Variants in ZNF316 observed in about 807,000 individuals in gnomAD.
ZNF316 encodes the protein zinc finger protein 316.
In ZNF316, 23 loss-of-function variants were observed where a neutral mutation model predicts 75.6. That is an observed-to-expected ratio of 0.30 (90% confidence interval 0.22 to 0.43). ZNF316 has a LOEUF of 0.43. Among genes scored for constraint, ZNF316 ranks in the 20% least tolerant of loss-of-function variants. ZNF316 has a pLI of 1.00. For missense variants in ZNF316, 1,266 were observed against 1,409.4 expected (o/e 0.90, Z 1.63); for synonymous variants, 827 against 666.2 (o/e 1.24, Z -3.72).
At chr7:6,645,880 G>T (rs569712561) in intron 8 of ZNF316, among the ~76,000 whole-genome samples, 1 of 150,966 alleles carries the variant, frequency 6.6e-6, no homozygotes, top group East Asian at 1.9e-4. Context: ...TGTAGTCCCA[G>T]CTACTTGGGA....
Position 6,656,980 on chromosome 7 carries a change from A to C in ZNF316, c.*2369A>C, listed in dbSNP as rs549531496. ...GGGTCTGAAAAATAAGAACTGCTGT[A>C]ATCAAATGTGATCTGGAGGCATCAG... On this transcript the variant is annotated 3_prime_UTR_variant, in exon 9 of 9. Transcript: ENST00000382252. Among the ~76,000 whole-genome samples, 4 of 152,280 alleles carry C rather than the reference A, an allele frequency of 2.6e-5. No individual in the cohort carries two copies. The highest frequency in any genetic ancestry group is 9.6e-5 in the African/African-American group (4 of 41,542).
At chr7:6,643,987 T>C (rs1368865115) in intron 7 of ZNF316, 39 bp downstream of exon 7, 1 of 1,231,482 alleles carries the variant, frequency 8.1e-7, no homozygotes, top group African/African-American at 1.6e-5. Flanking sequence ...GGCAGCCTGG[T>C]GTGATGGCTG....
Position 6,644,583 on chromosome 7 carries a change from C to A in ZNF316, c.696C>A (p.Gly232=), listed in dbSNP as rs1157659421. 2 of 1,231,270 alleles carry A rather than the reference C, an allele frequency of 1.6e-6. No homozygotes were observed. The highest frequency in any genetic ancestry group is 2.0e-6 in the Non-Finnish European group (2 of 987,274). The allele number at this position is 1,231,270 out of a possible 1,614,324, so 76.3% of individuals were successfully genotyped here. The change falls in exon 8 of 9, where the codon GGC becomes GGA. Residue 232 remains glycine (G), a synonymous_variant. Transcript: ENST00000382252. Reference sequence around the variant, plus strand: ...CTGAGGAAGGAGACATCGTCACTGGCGTCTACACAGGTGAGCGTGGATGGA... The same window carrying A: ...CTGAGGAAGGAGACATCGTCACTGGAGTCTACACAGGTGAGCGTGGATGGA... ...PRPEEGDIVT[G]VYTGAWFWTD... is the part of the protein sequence containing the mutation.
At chr7:6,646,738 C>T (rs1156642298) in intron 8 of ZNF316, among the ~76,000 whole-genome samples, 2 of 152,158 alleles carry the variant, frequency 1.3e-5, no homozygotes, top group Non-Finnish European at 2.9e-5. Flanking sequence ...CCCCTGCATT[C>T]ATTTCTGGTC....
At chr7:6,649,301 C>T (rs1779463814) in intron 8 of ZNF316, among the ~76,000 whole-genome samples, 1 of 152,166 alleles carries the variant, frequency 6.6e-6, no homozygotes, top group Non-Finnish European at 1.5e-5. Flanking sequence ...GGTCTCCTCT[C>T]CTCTGCTGTC....
Position 6,652,481 on chromosome 7 carries a change from G to A in ZNF316, c.885G>A (p.Glu295=). ...ACTCGGATTCGGCGCAGACTCCAGA[G>A]GGGTGGGGACCCGACCCAGGCGGCC... The part of the protein sequence containing the change: ...PDDSDSAQTP[E]GWGPDPGGLG... Residue 295 remains glutamate (E), a synonymous_variant, in exon 9 of 9, where the codon GAG becomes GAA. Transcript: ENST00000382252. The A allele has an allele frequency of 3.2e-6, 4 of 1,231,660 alleles. No individual in the cohort carries two copies. Among genetic ancestry groups the A allele is most frequent in the Non-Finnish European group, 4.0e-6 (4 of 987,758 alleles). 76.3% of individuals were successfully genotyped at this position (1,231,660 alleles called of 1,614,324 possible).
rs908139692 is a variant in ZNF316 at position 6,652,468 on chromosome 7, C to T, written c.872C>T (p.Ala291Val). 3.4e-5 allele frequency: 42 copies of T among 1,231,600 alleles called. No homozygotes were observed. The highest frequency in any genetic ancestry group is 4.2e-5 in the Admixed American group (1 of 23,684). 76.3% of individuals were successfully genotyped at this position (1,231,600 alleles called of 1,614,324 possible). ...TGGGGGCCCGACGACTCGGATTCGGCGCAGACTCCAGAGGGGTGGGGACCC... is the reference window on the plus strand; with the variant it reads ...TGGGGGCCCGACGACTCGGATTCGGTGCAGACTCCAGAGGGGTGGGGACCC... ...GTWGPDDSDSAQTPEGWGPDP... is the reference protein window; with the variant it reads ...GTWGPDDSDSVQTPEGWGPDP... Residue 291 changes from alanine to valine, a missense_variant, in exon 9 of 9, where the codon GCG becomes GTG. By Grantham distance (64) the Ala-to-Val change is moderately conservative. Coordinates refer to ENST00000382252, the MANE Select transcript of ZNF316 (RefSeq NM_001278559.2).
chr7:6,649,518 G>A (rs539400559), intron 8 of ZNF316, among the ~76,000 whole-genome samples: 180 of 152,334 alleles, frequency 1.2e-3, no homozygotes, highest in African/African-American at 4.2e-3. Context: ...GCCAGCAAAC[G>A]CCCTCGGGGC....
At position 6,642,232 on chromosome 7, in the gene ZNF316, C is replaced by T. The variant is rs991230960; in HGVS notation, c.-28-150C>T. On this transcript the variant is annotated intron_variant, in intron 4 of 8. Coordinates refer to ENST00000382252, the MANE Select transcript of ZNF316 (RefSeq NM_001278559.2). This position sits in a 1 kb window ranked among gnomAD's most constrained non-coding sequence, Gnocchi z 8.1. ...GTGCAGGGTAAGATCGTGGGAAGGC[C>T]CGGTCCTCCCTCATCTCCATTGCCT... is the stretch of plus-strand genomic sequence containing the variant. The T allele has an allele frequency of 2.5e-6, 1 of 404,646 alleles. No individual in the cohort carries two copies. The highest frequency in any genetic ancestry group is 4.3e-6 in the Non-Finnish European group (1 of 232,636). The allele number at this position is 404,646 out of a possible 1,614,324, so 25.1% of individuals were successfully genotyped here.
intron 8 of ZNF316, among the ~76,000 whole-genome samples, chr7:6,651,922 C>T (rs892858881): frequency 1.3e-5 from 2 of 152,202 alleles, no homozygotes; most frequent in Non-Finnish European, 2.9e-5. Flanking sequence ...AGCACAGGAT[C>T]CCTGCTTGGG....
Position 6,637,336 on chromosome 7 carries a change from C to G in ZNF316, c.-542C>G, listed in dbSNP as rs936744949. ...CGGCGGTACTTCCGGTGCCCACGCG[C>G]CGCCGTCGCGCAGCTCCCGGGCCGT... On this transcript the variant is annotated 5_prime_UTR_variant, in exon 1 of 9. Transcript: ENST00000382252. The surrounding 1 kb of genome is among the most constrained non-coding windows in gnomAD (Gnocchi z 6.2). 6.7e-6 allele frequency: 1 copy of G among 150,012 alleles called. No homozygotes were observed. The highest frequency in any genetic ancestry group is 2.4e-5 in the African/African-American group (1 of 41,114). The allele number at this position is 150,012 out of a possible 1,614,324, so 9.3% of individuals were successfully genotyped here.
Position 6,652,421 on chromosome 7 carries a change from C to T in ZNF316, c.825C>T (p.Gly275=), listed in dbSNP as rs1031602652. The T allele has an allele frequency of 5.7e-6, 7 of 1,232,036 alleles. No homozygotes were observed. The highest frequency in any genetic ancestry group is 4.1e-5 in the South Asian group (1 of 24,332). 76.3% of individuals were successfully genotyped at this position (1,232,036 alleles called of 1,614,324 possible). A position where few individuals can be genotyped will look rare whatever the true frequency, so the allele number is the denominator to read the frequency against. The change falls in exon 9 of 9, where the codon GGC becomes GGT. Residue 275 remains glycine (G), a synonymous_variant. Transcript: ENST00000382252. The stretch of plus-strand genomic sequence containing the variant: ...CAGGGCTCTGGTCGGCGGCCTACGG[C>T]GTGGGGGACGTGCCTGGGACGTGGG... ...EPPGLWSAAY[G]VGDVPGTWGP...
In ZNF316 at chr7:6,657,196, A is replaced by G. The variant is rs558342845; in HGVS notation, c.*2585A>G. On this transcript the variant is annotated 3_prime_UTR_variant, in exon 9 of 9. Coordinates refer to ENST00000382252, the MANE Select transcript of ZNF316 (RefSeq NM_001278559.2). The stretch of plus-strand genomic sequence containing the variant: ...TTTTTAGTAGAGATGGGATTTCAGC[A>G]TATTGGCCAGGCTGGTCTTGAGCTC... Among the ~76,000 whole-genome samples the G allele has an allele frequency of 1.3e-5, 2 of 151,314 alleles. No individual in the cohort carries two copies. The highest frequency in any genetic ancestry group is 2.1e-4 in the South Asian group (1 of 4,804).
rs1480744089 is a variant in ZNF316, at chr7:6,642,420, T to G, written c.11T>G (p.Leu4Arg). The change falls in exon 5 of 9, where the codon CTC becomes CGC. Residue 4 changes from leucine (L) to arginine (R), a missense_variant. Around this residue, in one of 3 missense-constraint regions of ZNF316, gnomAD observed 961 missense variants for 990.9 expected, o/e 0.97. Transcript: ENST00000382252. This position sits in a 1 kb window ranked among gnomAD's most constrained non-coding sequence, Gnocchi z 8.1. ...TCGCTCCCAGGGAGGATGGCGGCGC[T>G]CCACACGACTCCCGACTCCCCAGCT... is the stretch of plus-strand genomic sequence containing the variant. MAALHTTPDSPAAQ... is the reference protein window; with the variant it reads MAARHTTPDSPAAQ... 2 of 1,231,728 alleles carry G rather than the reference T, an allele frequency of 1.6e-6. No homozygotes were observed. The highest frequency in any genetic ancestry group is 4.2e-5 in the Admixed American group (1 of 23,656). 76.3% of individuals were successfully genotyped at this position (1,231,728 alleles called of 1,614,324 possible). A position where few individuals can be genotyped will look rare whatever the true frequency, so the allele number is the denominator to read the frequency against.
At position 6,654,335 on chromosome 7, in the gene ZNF316, G is replaced by T; in HGVS notation, c.2739G>T (p.Arg913=). The change falls in exon 9 of 9, where the codon CGG becomes CGT. Residue 913 remains arginine (R), a synonymous_variant. Transcript: ENST00000382252. ...VTHQRTHTGE[R]PYACANCGRR... ...ACCAGCGCACACATACGGGCGAGCGGCCCTACGCCTGCGCCAACTGCGGCC... is the reference window on the plus strand; with the variant it reads ...ACCAGCGCACACATACGGGCGAGCGTCCCTACGCCTGCGCCAACTGCGGCC... The T allele has an allele frequency of 1.6e-6, 2 of 1,222,548 alleles. No homozygotes were observed. Among genetic ancestry groups the T allele is most frequent in the Non-Finnish European group, 2.0e-6 (2 of 981,702 alleles). 75.7% of individuals were successfully genotyped at this position (1,222,548 alleles called of 1,614,324 possible).
At chr7:6,645,661 G>A (rs1475885024) in intron 8 of ZNF316, among the ~76,000 whole-genome samples, 2 of 150,084 alleles carry the variant, frequency 1.3e-5, no homozygotes, top group Admixed American at 6.7e-5. Context: ...TCCGGCCTGG[G>A]TGACAAAGTG....
chr7:6,642,933 G>A lies in ZNF316; in HGVS notation c.356-31G>A, dbSNP rs1463297791. 8.1e-7 allele frequency: 1 copy of A among 1,232,250 alleles called. No individual in the cohort carries two copies. The highest frequency in any genetic ancestry group is 4.2e-5 in the Admixed American group (1 of 23,690). 76.3% of individuals were successfully genotyped at this position (1,232,250 alleles called of 1,614,324 possible). A position where few individuals can be genotyped will look rare whatever the true frequency, so the allele number is the denominator to read the frequency against. On this transcript the variant is annotated intron_variant, in intron 5 of 8. Coordinates refer to ENST00000382252, the MANE Select transcript of ZNF316 (RefSeq NM_001278559.2). The surrounding 1 kb of genome is among the most constrained non-coding windows in gnomAD (Gnocchi z 8.1). ...TGGCCCTGCAGGCTGGGGGCTCAGG[G>A]CAGCTGGCCCTAAGAGATCTCTCCC...
rs1240942205 is a variant in ZNF316 at position 6,653,038 on chromosome 7, C to A, written c.1442C>A (p.Ala481Asp). ...ALARHQAVHT[A>D]DRPHCCPDCG... ...GCACGGCACCAGGCGGTGCACACGGCCGACCGCCCGCACTGCTGTCCCGAC... is the reference window on the plus strand; with the variant it reads ...GCACGGCACCAGGCGGTGCACACGGACGACCGCCCGCACTGCTGTCCCGAC... The change falls in exon 9 of 9, where the codon GCC (alanine) becomes GAC (aspartate). Residue 481 changes from alanine to aspartate, a missense_variant. Ala to Asp is a moderately radical substitution (Grantham distance 126, BLOSUM62 -2). Around this residue, in one of 3 missense-constraint regions of ZNF316, gnomAD observed 961 missense variants for 990.9 expected, o/e 0.97. Transcript: ENST00000382252. The A allele has an allele frequency of 1.6e-6, 2 of 1,219,906 alleles. No homozygotes were observed. Among genetic ancestry groups the A allele is most frequent in the Non-Finnish European group, 2.0e-6 (2 of 980,448 alleles). The allele number at this position is 1,219,906 out of a possible 1,614,324, so 75.6% of individuals were successfully genotyped here.
chr7:6,653,176 C>T lies in ZNF316; in HGVS notation c.1580C>T (p.Ala527Val). 8.3e-7 allele frequency: 1 copy of T among 1,206,402 alleles called. No homozygotes were observed. Among genetic ancestry groups the T allele is most frequent in the Admixed American group, 4.4e-5 (1 of 22,704 alleles). 74.7% of individuals were successfully genotyped at this position (1,206,402 alleles called of 1,614,324 possible). ...CGGGAGCCCGGCGAGACGGCGGCCG[C>T]CGCGGGGCCCGAGGACACGGACCCT... ...PRREPGETAA[A>V]AGPEDTDPGP... The change falls in exon 9 of 9, where the codon GCC (alanine) becomes GTC (valine). Residue 527 changes from alanine (A) to valine (V), a missense_variant. Coordinates refer to ENST00000382252, the MANE Select transcript of ZNF316 (RefSeq NM_001278559.2).
Sources: gnomAD v4.1 joint callset for allele counts (sites outside exome capture counted in the v4.1 genomes callset) on GRCh38, gnomAD v4.1.1 for gene constraint, gnomAD v4.1.1 regional missense constraint, Gnocchi (gnomAD v3.1) non-coding constraint, MANE v1.5 for transcripts, NCBI Gene and HGNC (gene_info 2026-07-23, HGNC 2026-07-21) for gene names.